Variants in LTN1 observed in about 807,000 individuals in gnomAD.
LTN1 encodes the protein E3 ubiquitin-protein ligase listerin.
In LTN1, 88 loss-of-function variants were observed where a neutral mutation model predicts 201.2. The ratio of observed to expected loss-of-function variants is 0.44; its 90% confidence interval spans 0.37 to 0.52. LTN1 has a LOEUF of 0.52. Ranked by LOEUF, LTN1 falls within the 20% of genes least tolerant of loss-of-function variation. The pLI is 0.00. For synonymous variants in LTN1, 645 were observed against 713.5 expected (o/e 0.90, Z 1.53); for missense variants, 1,752 against 2,038.7 (o/e 0.86, Z 2.71).
In LTN1 at chr21:28,932,509, C is replaced by A. The variant is rs1047889563; in HGVS notation, c.5031G>T (p.Arg1677=). ...AAGTGCTTAACTGCAGCATCCAGTT[C>A]CGCCACTGCTGAACAGCTACTCCTA... The part of the protein sequence containing the change: ...KRVGVAVQQW[R]NWMLQLSTYL... The change falls in exon 28 of 30, where the codon CGG becomes CGT. Residue 1677 remains arginine, a synonymous_variant. Transcript: ENST00000361371. 9 of 1,614,022 alleles carry A rather than the reference C, an allele frequency of 5.6e-6. No homozygotes were observed. The highest frequency in any genetic ancestry group is 7.6e-6 in the Non-Finnish European group (9 of 1,179,988).
At chr21:28,953,430 C>T in intron 16 of LTN1, 54 bp from the exon 17 acceptor site, 1 of 1,309,600 alleles carries the variant, frequency 7.6e-7, no homozygotes, top group Non-Finnish European at 1.0e-6. Flanking sequence ...ACAAACCCTT[C>T]AATTACTTTC....
At chr21:28,982,451 A>G (rs1001128700) in intron 4 of LTN1, 83 bp from the exon 5 acceptor site, 276 of 1,025,520 alleles carry the variant, frequency 2.7e-4, no homozygotes, top group Non-Finnish European at 4.8e-5. Context: ...AATAAAATCC[A>G]CTTTTTAAAA....
rs565120950 is a variant in LTN1 at position 28,992,854 on chromosome 21, T to C, written c.-49A>G. 1.4e-5 allele frequency: 23 copies of C among 1,613,866 alleles called. No homozygotes were observed. The highest frequency in any genetic ancestry group is 5.0e-5 in the Admixed American group (3 of 59,972). On this transcript the variant is annotated 5_prime_UTR_variant, in exon 1 of 30. Coordinates refer to ENST00000361371, the MANE Select transcript of LTN1 (RefSeq NM_015565.3). Reference sequence around the variant, plus strand: ...GAGCACTCAGACCCCGGTTGACACGTCCGGGACACAACTTCCGGCTTCTGG... The same window carrying C: ...GAGCACTCAGACCCCGGTTGACACGCCCGGGACACAACTTCCGGCTTCTGG...
intron 24 of LTN1, among the ~76,000 whole-genome samples, chr21:28,942,752 G>A (rs1402167184): frequency 7.9e-6 from 1 of 125,884 alleles, no homozygotes; most frequent in East Asian, 2.7e-4. Flanking sequence ...TTCCCTTCCT[G>A]ATGTACATTA....
chr21:28,985,653 C>A (rs2084692375), intron 3 of LTN1, among the ~76,000 whole-genome samples: 1 of 150,766 alleles, frequency 6.6e-6, no homozygotes, highest in Non-Finnish European at 1.5e-5. Flanking sequence ...CCAACACAAT[C>A]CAATCTTTTT....
At chr21:28,939,224 T>C (rs1000903828) in intron 25 of LTN1, among the ~76,000 whole-genome samples, 2 of 152,204 alleles carry the variant, frequency 1.3e-5, no homozygotes, top group Admixed American at 6.5e-5. Context: ...AAGATGTGCA[T>C]AGGTTAGATG....
rs1008663263 is a variant in LTN1, at chr21:28,929,942, C to T, written c.*506G>A. 1 of 152,206 alleles carries T rather than the reference C, an allele frequency of 6.6e-6. No individual in the cohort carries two copies. Among genetic ancestry groups the T allele is most frequent in the African/African-American group, 2.4e-5 (1 of 41,436 alleles). The allele number at this position is 152,206 out of a possible 1,614,324, so 9.4% of individuals were successfully genotyped here. ...ACAAGCCGTATTAATAGCTTAGTGT[C>T]ATTTTTATCATTAAAATAATCTACA... On this transcript the variant is annotated 3_prime_UTR_variant, in exon 30 of 30. Coordinates refer to ENST00000361371, the MANE Select transcript of LTN1 (RefSeq NM_015565.3).
intron 25 of LTN1, among the ~76,000 whole-genome samples, chr21:28,938,739 G>A (rs1601165571): frequency 6.6e-6 from 1 of 152,090 alleles, no homozygotes; most frequent in African/African-American, 2.4e-5. Context: ...GTATTATTCA[G>A]CCACAAAAAT....
chr21:28,956,926 T>G lies in LTN1; in HGVS notation c.2915A>C (p.Glu972Ala). ...TTCATAATTCAAACTCAATCTTCCC[T>G]CTAAAAGAGGTCTATGTAACCACTG... Reference protein sequence around the residue: ...PMQWLHRPLLEGRLSLNYECF... With the variant: ...PMQWLHRPLLAGRLSLNYECF... Residue 972 changes from glutamate to alanine, a missense_variant, in exon 16 of 30, where the codon GAG becomes GCG. By Grantham distance (107) the Glu-to-Ala change is moderately radical (BLOSUM62 -1). Transcript: ENST00000361371. 7 of 1,604,130 alleles carry G rather than the reference T, an allele frequency of 4.4e-6. No individual in the cohort carries two copies. The highest frequency in any genetic ancestry group is 6.0e-6 in the Non-Finnish European group (7 of 1,175,102).
chr21:28,934,038 C>T (rs1349779309), intron 27 of LTN1, among the ~76,000 whole-genome samples: 2 of 152,182 alleles, frequency 1.3e-5, no homozygotes, highest in Non-Finnish European at 2.9e-5. Flanking sequence ...TGCCCACCTC[C>T]AAGTGATTTT....
chr21:28,947,425 T>G, intron 19 of LTN1, 39 bp downstream of exon 19: 2 of 1,452,150 alleles, frequency 1.4e-6, no homozygotes, highest in Non-Finnish European at 1.8e-6. Flanking sequence ...TCTCAAGCAA[T>G]AATTAAATTA....
intron 28 of LTN1, among the ~76,000 whole-genome samples, chr21:28,931,538 A>G (rs1232802412): frequency 6.6e-6 from 1 of 152,192 alleles, no homozygotes; most frequent in African/African-American, 2.4e-5. Flanking sequence ...ACATACTTTA[A>G]AGGCTTCTGG....
At chr21:28,939,130 T>C (rs1436270682) in intron 25 of LTN1, among the ~76,000 whole-genome samples, 1 of 152,202 alleles carries the variant, frequency 6.6e-6, no homozygotes, top group Non-Finnish European at 1.5e-5. Context: ...CTAAAAACTT[T>C]AATACAGTAT....
chr21:28,969,421 A>T (rs780084054), intron 9 of LTN1, 45 bp downstream of exon 9: 2 of 1,535,778 alleles, frequency 1.3e-6, no homozygotes, highest in Non-Finnish European at 8.8e-7. Context: ...TTGATCCTAC[A>T]TAATCAGTAT....
chr21:28,946,067 T>C (rs767163905), intron 20 of LTN1, 85 bp downstream of exon 20: 21 of 1,457,060 alleles, frequency 1.4e-5, no homozygotes, highest in Non-Finnish European at 1.8e-5. Context: ...TCTACCATAA[T>C]TTCTCTACAA....
chr21:28,992,111 G>C (rs573148971), intron 1 of LTN1, among the ~76,000 whole-genome samples: 83 of 152,292 alleles, frequency 5.5e-4, no homozygotes, highest in African/African-American at 1.7e-3. Context: ...AGTGGGGAAG[G>C]GCTACCAAGA....
intron 25 of LTN1, 86 bp from the exon 26 acceptor site, chr21:28,936,783 C>T (rs2084260442): frequency 3.0e-6 from 3 of 1,004,632 alleles, no homozygotes; most frequent in Non-Finnish European, 4.4e-6. Flanking sequence ...AACAAATTTC[C>T]TTTCCTCATA....
chr21:28,991,890 A>G (rs2084749220), intron 1 of LTN1, among the ~76,000 whole-genome samples: 1 of 152,254 alleles, frequency 6.6e-6, no homozygotes, highest in Non-Finnish European at 1.5e-5. Context: ...CCATAAAAAA[A>G]TACCATTACA....
Position 28,984,919 on chromosome 21 carries a change from G to A in LTN1, c.349C>T (p.His117Tyr), listed in dbSNP as rs2084685808. The change falls in exon 4 of 30, where the codon CAT (histidine) becomes TAT (tyrosine). Residue 117 changes from histidine (H) to tyrosine (Y), a missense_variant. Around this residue, in one of 3 missense-constraint regions of LTN1, gnomAD observed 280 missense variants for 375.7 expected, o/e 0.75. Coordinates refer to ENST00000361371, the MANE Select transcript of LTN1 (RefSeq NM_015565.3). Reference protein sequence around the residue: ...PRIFCKISLDHDRRVREATQQ... With the variant: ...PRIFCKISLDYDRRVREATQQ... ...GTGGCTTCTCGGACGCGACGGTCATGATCCTATTAAAAATATAAATGTGAT... is the reference window on the plus strand; with the variant it reads ...GTGGCTTCTCGGACGCGACGGTCATAATCCTATTAAAAATATAAATGTGAT... The A allele has an allele frequency of 2.5e-6, 4 of 1,606,388 alleles. No individual in the cohort carries two copies. Among genetic ancestry groups the A allele is most frequent in the Non-Finnish European group, 3.4e-6 (4 of 1,175,512 alleles).
Sources: allele counts gnomAD v4.1 joint callset (sites outside exome capture counted in the v4.1 genomes callset), GRCh38; gene constraint gnomAD v4.1.1; regional missense constraint gnomAD v4.1.1; transcripts MANE v1.5; gene names NCBI Gene and HGNC (gene_info 2026-07-23, HGNC 2026-07-21).